TNS3: variants seen among roughly 807,000 people sequenced by gnomAD.
TNS3 encodes tensin 3.
Under a neutral mutation model 140.9 loss-of-function variants are expected in TNS3, and 45 were observed. The observed-to-expected ratio is 0.32, with a 90% CI of 0.25 to 0.41. The LOEUF (loss-of-function observed/expected upper bound fraction) is 0.41, where lower values mean the gene tolerates loss of function less well. Among genes scored for constraint, TNS3 ranks in the 10% least tolerant of loss-of-function variants. The pLI, the probability that TNS3 is intolerant of heterozygous loss-of-function variation, is 1.00. For missense variants in TNS3, 1,716 were observed against 1,906.7 expected (o/e 0.90, Z 1.86); for synonymous variants, 815 against 788.4 (o/e 1.03, Z -0.56).
chr7:47,344,121 C>A (rs1278905256), intron 20 of TNS3, among the ~76,000 whole-genome samples: 1 of 152,188 alleles, frequency 6.6e-6, no homozygotes, highest in Non-Finnish European at 1.5e-5. Context: ...GGTTTACATT[C>A]TCTCTCCACC....
In TNS3 at chr7:47,303,413, G is replaced by A. The variant is rs780109269; in HGVS notation, c.2994C>T (p.His998=). ...GCTCTGCTAGGGACAGCTCATGGCT[G>A]TGGAAAGGAGCCTGGAGCTCTGACG... ...FPPSELQAPF[H]SHELSLAEPP... is the part of the protein sequence containing the mutation. Residue 998 remains histidine, a synonymous_variant, in exon 22 of 31, where the codon CAC becomes CAT. Transcript: ENST00000311160. 1.3e-5 allele frequency: 21 copies of A among 1,613,672 alleles called. No homozygotes were observed. Among genetic ancestry groups the A allele is most frequent in the Middle Eastern group, 1.7e-4 (1 of 6,056 alleles).
At chr7:47,441,561 G>C (rs1202518805) in intron 5 of TNS3, among the ~76,000 whole-genome samples, 2 of 152,204 alleles carry the variant, frequency 1.3e-5, no homozygotes, top group Non-Finnish European at 2.9e-5. Context: ...TTATTTATCA[G>C]ACATGGATTT....
chr7:47,512,739 C>A (rs1202458917), intron 2 of TNS3, among the ~76,000 whole-genome samples: 2 of 152,148 alleles, frequency 1.3e-5, no homozygotes, highest in African/African-American at 2.4e-5. Flanking sequence ...AAAACATCAT[C>A]ATAATAATAA....
At chr7:47,389,337 A>C (rs1464120084) in intron 16 of TNS3, among the ~76,000 whole-genome samples, 1 of 152,150 alleles carries the variant, frequency 6.6e-6, no homozygotes, top group African/African-American at 2.4e-5. Context: ...GAGGAGGCCC[A>C]AGGTTTGTGT....
intron 2 of TNS3, among the ~76,000 whole-genome samples, chr7:47,511,948 G>C (rs374608328): frequency 1.3e-5 from 2 of 152,338 alleles, no homozygotes; most frequent in East Asian, 3.9e-4. Context: ...TGGCTGCCAC[G>C]GTGCCTTCCA....
intron 3 of TNS3, among the ~76,000 whole-genome samples, chr7:47,505,124 C>T (rs1054499172): frequency 3.9e-5 from 6 of 152,204 alleles, no homozygotes; most frequent in Non-Finnish European, 7.3e-5. Flanking sequence ...AGCCCACCCC[C>T]TCCTCCTACT....
At chr7:47,316,657 C>T (rs955164622) in intron 20 of TNS3, among the ~76,000 whole-genome samples, 7 of 150,600 alleles carry the variant, frequency 4.6e-5, no homozygotes, top group African/African-American at 7.3e-5. Flanking sequence ...TGTGAAACAC[C>T]GTCTCTATTC....
chr7:47,546,861 G>GT (rs1799933908), intron 1 of TNS3, among the ~76,000 whole-genome samples: 1 of 152,172 alleles, frequency 6.6e-6, no homozygotes, highest in Non-Finnish European at 1.5e-5. Flanking sequence ...CACCCGCCTG[G>GT]TAAGACACGG....
rs962067745 is a variant in TNS3, at chr7:47,342,803, C to T, written c.2650+1952G>A. Among the ~76,000 whole-genome samples, 4 of 152,284 alleles carry T rather than the reference C, an allele frequency of 2.6e-5. No homozygotes were observed. In the East Asian group the frequency reaches 5.8e-4, roughly 22 times the overall value. ...GATCAGGGGACACATTCTGTATGGG[C>T]GAGCTACCTCTGTTATTACTGTGCC... is the stretch of plus-strand genomic sequence containing the variant. On this transcript the variant is annotated intron_variant, in intron 20 of 30. Coordinates refer to ENST00000311160, the MANE Select transcript of TNS3 (RefSeq NM_022748.12).
chr7:47,308,675 G>T (rs1230723784), intron 20 of TNS3, among the ~76,000 whole-genome samples: 1 of 152,170 alleles, frequency 6.6e-6, no homozygotes, highest in Non-Finnish European at 1.5e-5. Flanking sequence ...AAGGCCTGGA[G>T]TCATGCTCCA....
intron 18 of TNS3, among the ~76,000 whole-genome samples, chr7:47,345,480 A>C (rs1789281766): frequency 6.6e-6 from 1 of 152,254 alleles, no homozygotes; most frequent in South Asian, 2.1e-4. Context: ...TATTCTAAAT[A>C]TTAACAGTGG....
intron 20 of TNS3, among the ~76,000 whole-genome samples, chr7:47,316,814 T>C (rs1384011250): frequency 6.6e-6 from 1 of 151,172 alleles, no homozygotes; most frequent in Non-Finnish European, 1.5e-5. Flanking sequence ...ATCCTATAAT[T>C]CTTTTGTTAT....
Position 47,303,341 on chromosome 7 carries a change from G to A in TNS3, c.3066C>T (p.Phe1022=), listed in dbSNP as rs762256329. The part of the protein sequence containing the change: ...APPSSQAFLG[F]GTAPVGSGLP... ...GGCCACTTCCCACTGGGGCGGTGCC[G>A]AAGCCCAGGAAGGCCTGGCTGCTGG... The change falls in exon 22 of 31, where the codon TTC becomes TTT. Residue 1022 remains phenylalanine (F), a synonymous_variant. Transcript: ENST00000311160. 5.6e-5 allele frequency: 91 copies of A among 1,613,290 alleles called. No homozygotes were observed. Among genetic ancestry groups the A allele is most frequent in the South Asian group, 6.6e-5 (6 of 90,994 alleles).
intron 4 of TNS3, among the ~76,000 whole-genome samples, chr7:47,443,862 A>G (rs1398441179): frequency 1.3e-5 from 2 of 152,232 alleles, no homozygotes; most frequent in East Asian, 1.9e-4. Flanking sequence ...AGGAGGTTGC[A>G]GTGAGCCAAG....
At chr7:47,459,248 T>C (rs1354930417) in intron 4 of TNS3, among the ~76,000 whole-genome samples, 1 of 152,224 alleles carries the variant, frequency 6.6e-6, no homozygotes, top group East Asian at 1.9e-4. Context: ...AGAGATGCCA[T>C]GTGCTTTGGG....
intron 8 of TNS3, among the ~76,000 whole-genome samples, chr7:47,428,591 G>A (rs1794775446): frequency 6.6e-6 from 1 of 152,198 alleles, no homozygotes; most frequent in South Asian, 2.1e-4. Context: ...CAAACAGTAA[G>A]AGTGGGTGCT....
At chr7:47,380,889 T>G (rs1176849311) in intron 16 of TNS3, among the ~76,000 whole-genome samples, 1 of 152,198 alleles carries the variant, frequency 6.6e-6, no homozygotes, top group African/African-American at 2.4e-5. Flanking sequence ...AGCAGGACAG[T>G]GGCATGCCAG....
chr7:47,495,205 A>AG (rs1475064631), intron 3 of TNS3, among the ~76,000 whole-genome samples: 3 of 151,904 alleles, frequency 2.0e-5, no homozygotes, highest in East Asian at 3.9e-4. Flanking sequence ...AAAAAAAAAA[A>AG]AAAAAAGAAA....
At chr7:47,411,853 G>A (rs1380943617) in intron 12 of TNS3, 51 bp from the exon 13 acceptor site, 1 of 1,567,062 alleles carries the variant, frequency 6.4e-7, no homozygotes, top group East Asian at 2.3e-5. Flanking sequence ...TGATTTTGTG[G>A]GAAGAATACA....
Sources: gnomAD v4.1 joint callset for allele counts (sites outside exome capture counted in the v4.1 genomes callset) on GRCh38, gnomAD v4.1.1 for gene constraint, MANE v1.5 for transcripts, NCBI Gene and HGNC (gene_info 2026-07-23, HGNC 2026-07-21) for gene names.